Variants in RNF169 observed in about 807,000 individuals in gnomAD.
The protein encoded by RNF169 is ring finger protein 169, also known as E3 ubiquitin-protein ligase RNF169.
A neutral mutation model predicts 53.9 loss-of-function variants in RNF169; 24 were observed. That is an observed-to-expected ratio of 0.45 (90% CI 0.32 to 0.63). The LOEUF is 0.63. Among genes scored for constraint, RNF169 ranks in the 20% least tolerant of loss-of-function variants. The pLI is 0.04. For synonymous variants in RNF169, 396 were observed against 363.5 expected (o/e 1.09, Z -1.02); for missense variants, 883 against 906.2 (o/e 0.97, Z 0.33).
chr11:74,792,484 C>G (rs906105212), intron 2 of RNF169, among the ~76,000 whole-genome samples: 5 of 152,178 alleles, frequency 3.3e-5, no homozygotes, highest in Admixed American at 2.0e-4. Context: ...TCACCACAAC[C>G]TCTGCCTCCT....
intron 4 of RNF169, among the ~76,000 whole-genome samples, chr11:74,822,762 G>T (rs1020622409): frequency 6.6e-6 from 1 of 152,218 alleles, no homozygotes; most frequent in Non-Finnish European, 1.5e-5. Context: ...TTAGCACAGT[G>T]CCTGACAGAT....
intron 2 of RNF169, among the ~76,000 whole-genome samples, chr11:74,791,795 C>T (rs2035583456): frequency 6.6e-6 from 1 of 152,214 alleles, no homozygotes; most frequent in South Asian, 2.1e-4. Context: ...TGGGTGGCTA[C>T]AGCTACACCC....
At chr11:74,780,893 C>G (rs1184303527) in intron 1 of RNF169, among the ~76,000 whole-genome samples, 1 of 152,164 alleles carries the variant, frequency 6.6e-6, no homozygotes. Context: ...ACTGAGGATA[C>G]AAAAATTGTA....
intron 1 of RNF169, among the ~76,000 whole-genome samples, chr11:74,777,551 T>G (rs551171656): frequency 6.6e-6 from 1 of 152,188 alleles, no homozygotes; most frequent in East Asian, 1.9e-4. Context: ...CAACAAAGCC[T>G]TGTTGTTGGG....
At chr11:74,769,227 TAGA>T (rs1338252450) in intron 1 of RNF169, among the ~76,000 whole-genome samples, 8 of 152,184 alleles carry the variant, frequency 5.3e-5, no homozygotes, top group East Asian at 1.9e-4. Context: ...AGGCATTTCA[TAGA>T]AGAAGGAAAC....
At chr11:74,819,940 G>A (rs1298360102) in intron 4 of RNF169, among the ~76,000 whole-genome samples, 1 of 152,116 alleles carries the variant, frequency 6.6e-6, no homozygotes, top group Non-Finnish European at 1.5e-5. Flanking sequence ...GTGGATCAGA[G>A]TGTGGCACAT....
At chr11:74,831,359 C>A (rs1410280791) in intron 4 of RNF169, 1 of 152,202 alleles carries the variant, frequency 6.6e-6, no homozygotes, top group African/African-American at 2.4e-5. Context: ...CAGTGAACAA[C>A]CCAAAAAGGT....
chr11:74,789,414 A>G (rs2035549991), intron 1 of RNF169, among the ~76,000 whole-genome samples: 1 of 152,198 alleles, frequency 6.6e-6, no homozygotes, highest in South Asian at 2.1e-4. Context: ...TATTTAGACC[A>G]CCAAATATAC....
chr11:74,785,186 G>GATATATATATGTT (rs1554994673), intron 1 of RNF169, among the ~76,000 whole-genome samples: 1 of 63,694 alleles, frequency 1.6e-5, no homozygotes, highest in African/African-American at 1.4e-4. Flanking sequence ...ATATATATAT[G>GATATATATATGTT]ATATATATAT....
chr11:74,751,677 A>G (rs2034897324), intron 1 of RNF169, among the ~76,000 whole-genome samples: 1 of 152,214 alleles, frequency 6.6e-6, no homozygotes, highest in African/African-American at 2.4e-5. Context: ...TAATTACTTT[A>G]TATGTTTATA....
intron 4 of RNF169, among the ~76,000 whole-genome samples, chr11:74,821,797 C>T (rs529075173): frequency 2.0e-5 from 3 of 151,950 alleles, no homozygotes; most frequent in Non-Finnish European, 4.4e-5. Context: ...TATAGGGTTC[C>T]TTTTTGAGGT....
rs1402421388 is a variant in RNF169, at chr11:74,837,979, C to A, written c.*1249C>A. The A allele has an allele frequency of 6.6e-6, 1 of 152,184 alleles. No individual in the cohort carries two copies. The highest frequency in any genetic ancestry group is 2.4e-5 in the African/African-American group (1 of 41,436). The allele number at this position is 152,184 out of a possible 1,614,324, so 9.4% of individuals were successfully genotyped here. ...GGCATGCCCCATGTAGTATGAGTTA[C>A]TATATAAAGTCATGTGACTGGCATT... On this transcript the variant is annotated 3_prime_UTR_variant, in exon 6 of 6. Coordinates refer to ENST00000299563, the MANE Select transcript of RNF169 (RefSeq NM_001098638.2).
rs1021543882 is a variant in RNF169 at position 74,827,675 on chromosome 11, C to T, written c.843-7001C>T. On this transcript the variant is annotated intron_variant, in intron 4 of 5. Coordinates refer to ENST00000299563, the MANE Select transcript of RNF169 (RefSeq NM_001098638.2). ...CACCCGAGATGCAAGGGTGGTTCAG[C>T]GTAGGCAAATCAATAAATGTGATTC... Among the ~76,000 whole-genome samples the T allele has an allele frequency of 5.3e-5, 8 of 152,158 alleles. No homozygotes were observed. The East Asian group carries it at 7.7e-4, about 15-fold the overall frequency.
chr11:74,829,104 G>T (rs2036139136), intron 4 of RNF169, among the ~76,000 whole-genome samples: 1 of 152,112 alleles, frequency 6.6e-6, no homozygotes, highest in Non-Finnish European at 1.5e-5. Flanking sequence ...ATCTGACAAA[G>T]GTCTAACATT....
intron 1 of RNF169, among the ~76,000 whole-genome samples, chr11:74,786,206 T>C (rs2035499632): frequency 2.0e-5 from 3 of 151,560 alleles, no homozygotes; most frequent in Admixed American, 2.0e-4. Flanking sequence ...CCCAAAGTGC[T>C]GGGATTACAG....
At chr11:74,828,571 C>T (rs994799162) in intron 4 of RNF169, among the ~76,000 whole-genome samples, 1 of 152,182 alleles carries the variant, frequency 6.6e-6, no homozygotes, top group Non-Finnish European at 1.5e-5. Flanking sequence ...AAGCTGGAGA[C>T]ATCACACTAC....
At chr11:74,784,080 A>G (rs1013028796) in intron 1 of RNF169, among the ~76,000 whole-genome samples, 4 of 152,230 alleles carry the variant, frequency 2.6e-5, no homozygotes, top group African/African-American at 9.6e-5. Context: ...CAAGGCTTCA[A>G]ATAAATTATT....
At chr11:74,755,757 A>G (rs1170049223) in intron 1 of RNF169, among the ~76,000 whole-genome samples, 3 of 152,236 alleles carry the variant, frequency 2.0e-5, no homozygotes, top group Non-Finnish European at 4.4e-5. Flanking sequence ...AAGAGCCTGC[A>G]TGTAGAAAGG....
intron 1 of RNF169, among the ~76,000 whole-genome samples, chr11:74,789,278 A>T (rs1428201695): frequency 6.6e-6 from 1 of 152,206 alleles, no homozygotes; most frequent in African/African-American, 2.4e-5. Flanking sequence ...CAGGGAAAAA[A>T]ATAAGATAGT....
Sources: gnomAD v4.1 joint callset for allele counts (sites outside exome capture counted in the v4.1 genomes callset) on GRCh38, gnomAD v4.1.1 for gene constraint, MANE v1.5 for transcripts, NCBI Gene and HGNC (gene_info 2026-07-23, HGNC 2026-07-21) for gene names.